Variants in CRYZL1 observed in about 807,000 individuals in gnomAD.
CRYZL1 encodes the protein crystallin zeta like 1, also known as ferry endosomal RAB5 effector complex subunit 4.
CRYZL1 carries 34 observed loss-of-function variants against 50.6 expected under a neutral mutation model. The observed-to-expected ratio is 0.67, with a 90% CI of 0.51 to 0.89. The LOEUF (loss-of-function observed/expected upper bound fraction) is 0.89, where lower values mean the gene tolerates loss of function less well. Ranked by LOEUF, CRYZL1 falls within the 40% of genes least tolerant of loss-of-function variation. CRYZL1 has a pLI of 0.00. For missense variants in CRYZL1, 354 were observed against 402.3 expected (o/e 0.88, Z 1.03); for synonymous variants, 125 against 134.3 (o/e 0.93, Z 0.48).
chr21:33,638,493 G>A (rs140775724), intron 1 of CRYZL1, among the ~76,000 whole-genome samples: 276 of 152,284 alleles, frequency 1.8e-3, no homozygotes, highest in African/African-American at 6.2e-3. Context: ...GATTACAGGC[G>A]TGAGCCACTG....
rs1370564123 is a variant in CRYZL1 at position 33,608,473 on chromosome 21, T to A, written c.332-4936A>T. Among the ~76,000 whole-genome samples, 16 of 152,188 alleles carry A rather than the reference T, an allele frequency of 1.1e-4. No individual in the cohort carries two copies. In the East Asian group the frequency reaches 2.7e-3, roughly 26 times the overall value. On this transcript the variant is annotated intron_variant, in intron 6 of 12. Transcript: ENST00000381554. ...TCCATCTCATGAATAAACAAATAAATAAAAACATATCCCTCCTGTTTAGCT... is the reference window on the plus strand; with the variant it reads ...TCCATCTCATGAATAAACAAATAAAAAAAAACATATCCCTCCTGTTTAGCT...
chr21:33,641,267 T>C (rs1480456518), intron 1 of CRYZL1: 2 of 1,550,462 alleles, frequency 1.3e-6, no homozygotes, highest in Non-Finnish European at 1.7e-6. Context: ...TACTAACTGC[T>C]TTCCGAAAAC....
chr21:33,615,378 T>C (rs1327941572), intron 5 of CRYZL1, among the ~76,000 whole-genome samples: 1 of 152,076 alleles, frequency 6.6e-6, no homozygotes, highest in African/African-American at 2.4e-5. Flanking sequence ...GGTCTTGAAC[T>C]ACTGGGCTCA....
chr21:33,612,146 T>C (rs971457693), intron 6 of CRYZL1, among the ~76,000 whole-genome samples: 2 of 152,210 alleles, frequency 1.3e-5, no homozygotes, highest in African/African-American at 4.8e-5. Context: ...ATAGGCTACA[T>C]GAGTGGAATT....
At chr21:33,619,240 A>G (rs1461802703) in intron 4 of CRYZL1, among the ~76,000 whole-genome samples, 1 of 152,112 alleles carries the variant, frequency 6.6e-6, no homozygotes, top group Non-Finnish European at 1.5e-5. Context: ...TATTTCCTCA[A>G]TATGTCTTGA....
Position 33,599,145 on chromosome 21 carries a change from C to A in CRYZL1, c.676+5G>T. 6.2e-7 allele frequency: 1 copy of A among 1,613,724 alleles called. No individual in the cohort carries two copies. Among genetic ancestry groups the A allele is most frequent in the Non-Finnish European group, 8.5e-7 (1 of 1,179,826 alleles). On this transcript the variant is annotated splice_donor_5th_base_variant and intron_variant, in intron 9 of 12. Coordinates refer to ENST00000381554, the MANE Select transcript of CRYZL1 (RefSeq NM_145858.3). ...CACAGGCTACTAATTTCATAAGGTA[C>A]CTACCTCCAGCATCTAGGACAATAT...
intron 4 of CRYZL1, among the ~76,000 whole-genome samples, chr21:33,620,791 C>G (rs563798250): frequency 6.7e-5 from 10 of 148,344 alleles, no homozygotes; most frequent in African/African-American, 2.0e-4. Context: ...GCCTGGGAGA[C>G]AGAGTGAGAC....
At chr21:33,631,414 C>T (rs1293710689) in intron 2 of CRYZL1, 72 bp downstream of exon 2, 4 of 1,082,154 alleles carry the variant, frequency 3.7e-6, no homozygotes, top group African/African-American at 3.3e-5. Context: ...CTGAAAATAA[C>T]GTCATTTAAA....
intron 2 of CRYZL1, among the ~76,000 whole-genome samples, chr21:33,628,599 CTTTCT>C (rs1379175737): frequency 2.8e-4 from 33 of 116,490 alleles, no homozygotes; most frequent in Non-Finnish European, 4.5e-4. Context: ...TTCTTAATTT[CTTTCT>C]TTTTTTTTTT....
At chr21:33,602,623 T>C (rs1406762726) in intron 7 of CRYZL1, among the ~76,000 whole-genome samples, 1 of 152,166 alleles carries the variant, frequency 6.6e-6, no homozygotes, top group African/African-American at 2.4e-5. Context: ...AGGGCCACAT[T>C]CAGACACATG....
At chr21:33,610,461 C>A (rs576824660) in intron 6 of CRYZL1, among the ~76,000 whole-genome samples, 1 of 151,916 alleles carries the variant, frequency 6.6e-6, no homozygotes, top group African/African-American at 2.4e-5. Flanking sequence ...TGTCGTACTT[C>A]TTTTAAAGAA....
At chr21:33,600,939 T>TTTTTTG (rs1601328961) in intron 8 of CRYZL1, among the ~76,000 whole-genome samples, 1 of 103,392 alleles carries the variant, frequency 9.7e-6, no homozygotes, top group African/African-American at 4.1e-5. Flanking sequence ...TAAAGTTTTT[T>TTTTTTG]TTTTTTTTTT....
intron 10 of CRYZL1, among the ~76,000 whole-genome samples, chr21:33,596,893 C>T (rs1454785618): frequency 6.7e-6 from 1 of 148,602 alleles, no homozygotes; most frequent in Non-Finnish European, 1.5e-5. Flanking sequence ...GACAGAGTCT[C>T]ACTCTGTGAC....
At chr21:33,639,002 G>A (rs2087244334) in intron 1 of CRYZL1, among the ~76,000 whole-genome samples, 1 of 152,178 alleles carries the variant, frequency 6.6e-6, no homozygotes, top group Admixed American at 6.5e-5. Context: ...ATTTATACAT[G>A]TGTGGCATAA....
chr21:33,614,698 A>G (rs538026834), intron 5 of CRYZL1, among the ~76,000 whole-genome samples: 18 of 152,112 alleles, frequency 1.2e-4, no homozygotes, highest in African/African-American at 3.9e-4. Flanking sequence ...CAGCCTCCCG[A>G]GTAGCTGGGA....
At chr21:33,617,875 T>C (rs1055917896) in intron 4 of CRYZL1, among the ~76,000 whole-genome samples, 8 of 152,156 alleles carry the variant, frequency 5.3e-5, no homozygotes, top group African/African-American at 1.9e-4. Context: ...TTCCTCTTTC[T>C]TTGGAAGTAG....
intron 2 of CRYZL1, among the ~76,000 whole-genome samples, chr21:33,629,853 ATGTTAGC>A (rs1161191823): frequency 4.6e-5 from 7 of 152,178 alleles, no homozygotes; most frequent in African/African-American, 1.7e-4. Flanking sequence ...GTTCAGTATG[ATGTTAGC>A]TGCAGGTTTG....
intron 11 of CRYZL1, among the ~76,000 whole-genome samples, chr21:33,593,166 G>A (rs572240035): frequency 6.6e-6 from 1 of 152,086 alleles, no homozygotes; most frequent in Admixed American, 6.5e-5. Flanking sequence ...GAGTGCAGTG[G>A]CACGACCTCG....
intron 4 of CRYZL1, among the ~76,000 whole-genome samples, chr21:33,618,600 C>G (rs1445546056): frequency 6.6e-6 from 1 of 152,166 alleles, no homozygotes; most frequent in African/African-American, 2.4e-5. Flanking sequence ...TTGACTGGCT[C>G]TGTCAACAAA....
Sources: gnomAD v4.1 joint callset for allele counts (sites outside exome capture counted in the v4.1 genomes callset) on GRCh38, gnomAD v4.1.1 for gene constraint, MANE v1.5 for transcripts, NCBI Gene and HGNC (gene_info 2026-07-23, HGNC 2026-07-21) for gene names.